Variants in KCNU1 observed in about 807,000 individuals in gnomAD.
KCNU1 encodes the protein potassium channel subfamily U member 1.
A neutral mutation model predicts 126.8 loss-of-function variants in KCNU1; 93 were observed. The ratio of observed to expected loss-of-function variants is 0.73; its 90% CI spans 0.62 to 0.87. KCNU1 has a LOEUF of 0.87. KCNU1 is among the 40% of genes least tolerant of loss of function. KCNU1 has a pLI of 0.00. For synonymous variants in KCNU1, 523 were observed against 494.2 expected (o/e 1.06, Z -0.77); for missense variants, 1,330 against 1,367.1 (o/e 0.97, Z 0.43).
intron 20 of KCNU1, among the ~76,000 whole-genome samples, chr8:36,907,927 G>A (rs1189361588): frequency 6.6e-6 from 1 of 152,040 alleles, no homozygotes; most frequent in African/African-American, 2.4e-5. Context: ...CTTTTAGTGA[G>A]TTAAGAAATA....
rs113567350 is a variant in KCNU1, at chr8:36,844,393, A to AC, written c.1704-1187_1704-1186insC. On this transcript the variant is annotated intron_variant, in intron 16 of 26. Coordinates refer to ENST00000399881, the MANE Select transcript of KCNU1 (RefSeq NM_001031836.3). ...GAAACTCCGTCTCAAAAAAAAACAAAAAAAAAAGGCTATGTAAGACACAAC... is the reference window on the plus strand; with the variant it reads ...GAAACTCCGTCTCAAAAAAAAACAAACAAAAAAAGGCTATGTAAGACACAAC... 2.4e-3 allele frequency among the ~76,000 whole-genome samples: 344 copies of AC among 141,640 alleles called. 5 individuals are homozygous for AC. Among genetic ancestry groups the AC allele is most frequent in the African/African-American group, 8.3e-3 (325 of 39,070 alleles). The allele number at this position is 141,640 out of a possible 152,430, so 92.9% of individuals were successfully genotyped here. A position where few individuals can be genotyped will look rare whatever the true frequency, so the allele number is the denominator to read the frequency against.
intron 19 of KCNU1, among the ~76,000 whole-genome samples, chr8:36,899,786 A>G (rs1398750119): frequency 6.6e-6 from 1 of 152,122 alleles, no homozygotes; most frequent in Non-Finnish European, 1.5e-5. Context: ...CACAACATGG[A>G]AGGCTTTCTA....
chr8:36,875,473 A>T (rs944562874), intron 19 of KCNU1, among the ~76,000 whole-genome samples: 1 of 150,446 alleles, frequency 6.6e-6, no homozygotes, highest in East Asian at 1.9e-4. Flanking sequence ...CACATTACAG[A>T]TATATTATAT....
intron 14 of KCNU1, among the ~76,000 whole-genome samples, chr8:36,839,230 T>G (rs898289272): frequency 2.0e-5 from 3 of 152,312 alleles, no homozygotes; most frequent in Middle Eastern, 6.8e-3. Context: ...GGCCTTAAAC[T>G]TAAATTTACA....
chr8:36,922,287 A>G (rs1175992209), intron 23 of KCNU1, among the ~76,000 whole-genome samples: 1 of 152,162 alleles, frequency 6.6e-6, no homozygotes, highest in Non-Finnish European at 1.5e-5. Flanking sequence ...TGTACCCAAT[A>G]GAACTATGTA....
chr8:36,932,772 TA>T, intron 25 of KCNU1, 147 bp from the exon 26 acceptor site: 1 of 608,260 alleles, frequency 1.6e-6, no homozygotes, highest in East Asian at 2.8e-5. Flanking sequence ...CTTAATTACC[TA>T]TCGCCCTGGC....
At chr8:36,896,704 G>C (rs1200460058) in intron 19 of KCNU1, among the ~76,000 whole-genome samples, 2 of 152,010 alleles carry the variant, frequency 1.3e-5, no homozygotes, top group Admixed American at 6.6e-5. Context: ...AGATTTCAGA[G>C]AACATGCAGT....
At chr8:36,803,018 CCGCAGGGTG>C (rs1009191710) in intron 2 of KCNU1, among the ~76,000 whole-genome samples, 1 of 152,104 alleles carries the variant, frequency 6.6e-6, no homozygotes, top group African/African-American at 2.4e-5. Flanking sequence ...GCCCAGAGAG[CCGCAGGGTG>C]TGAGCATCAT....
intron 19 of KCNU1, chr8:36,888,760 T>A (rs1166585171): frequency 1.9e-6 from 1 of 533,856 alleles, no homozygotes; most frequent in East Asian, 5.5e-5. Flanking sequence ...ATATCAAAGA[T>A]TACATGAAAT....
rs753941106 is a variant in KCNU1, at chr8:36,910,962, G to A, written c.2364G>A (p.Ala788=). The A allele has an allele frequency of 6.8e-6, 11 of 1,612,414 alleles. No homozygotes were observed. The highest frequency in any genetic ancestry group is 1.7e-4 in the Middle Eastern group (1 of 6,050). The change falls in exon 22 of 27, where the codon GCG becomes GCA. Residue 788 remains alanine, a synonymous_variant. Transcript: ENST00000399881. ...GCALYSGDLH[A]ANIEQCSMCA... The stretch of plus-strand genomic sequence containing the variant: ...CACTTTATTCTGGAGACCTCCATGC[G>A]GCCAACATAGAGCAATGCTCCATGT...
At chr8:36,822,040 T>C (rs1483669805) in intron 10 of KCNU1, among the ~76,000 whole-genome samples, 1 of 152,070 alleles carries the variant, frequency 6.6e-6, no homozygotes, top group African/African-American at 2.4e-5. Flanking sequence ...TGTATTCTGC[T>C]CCTCCTACCA....
At chr8:36,887,157 G>T (rs528990741) in intron 19 of KCNU1, among the ~76,000 whole-genome samples, 1 of 152,232 alleles carries the variant, frequency 6.6e-6, no homozygotes, top group Admixed American at 6.5e-5. Context: ...CCTTTGGGTA[G>T]ATACCCAGCA....
chr8:36,847,786 C>T (rs1805204785), intron 18 of KCNU1, among the ~76,000 whole-genome samples: 1 of 152,126 alleles, frequency 6.6e-6, no homozygotes, highest in Non-Finnish European at 1.5e-5. Flanking sequence ...CATGGAAGTG[C>T]AGATATCTTT....
intron 25 of KCNU1, among the ~76,000 whole-genome samples, chr8:36,931,644 A>G (rs1035519806): frequency 6.6e-6 from 1 of 152,102 alleles, no homozygotes; most frequent in Non-Finnish European, 1.5e-5. Flanking sequence ...CACATTGTCA[A>G]TCAGTGTCAG....
At chr8:36,927,004 T>C (rs1808555489) in intron 24 of KCNU1, among the ~76,000 whole-genome samples, 1 of 152,064 alleles carries the variant, frequency 6.6e-6, no homozygotes, top group Non-Finnish European at 1.5e-5. Flanking sequence ...AGGGCCCTCT[T>C]CCTTCCCATG....
At position 36,932,935 on chromosome 8, in the gene KCNU1, G is replaced by A. The variant is rs1463380259; in HGVS notation, c.2947G>A (p.Gly983Arg). ...LSDVNPRNTF[G>R]QLFCGSLDLF... ...CTCTCCCCAGCCAAGAAACACCTTTGGACAACTGTTCTGTGGCTCATTAGA... is the reference window on the plus strand; with the variant it reads ...CTCTCCCCAGCCAAGAAACACCTTTAGACAACTGTTCTGTGGCTCATTAGA... The change falls in exon 26 of 27, where the codon GGA becomes AGA. Residue 983 changes from glycine to arginine, a missense_variant. Around this residue, in one of 3 missense-constraint regions of KCNU1, gnomAD observed 1,054 missense variants for 1,053.9 expected, o/e 1.00. Coordinates refer to ENST00000399881, the MANE Select transcript of KCNU1 (RefSeq NM_001031836.3). 1.3e-6 allele frequency: 2 copies of A among 1,567,944 alleles called. No homozygotes were observed. The highest frequency in any genetic ancestry group is 8.7e-7 in the Non-Finnish European group (1 of 1,153,922).
rs573253209 is a variant in KCNU1, at chr8:36,831,476, T to C, written c.1107-2078T>C. ...CTAACTGCTGTGAAATGGTATCTCA[T>C]TGTGGTTTGGATTTGCATTTCTCTG... On this transcript the variant is annotated intron_variant, in intron 10 of 26. Coordinates refer to ENST00000399881, the MANE Select transcript of KCNU1 (RefSeq NM_001031836.3). 4.3e-3 allele frequency among the ~76,000 whole-genome samples: 659 copies of C among 152,324 alleles called. 7 individuals carry two copies. Among genetic ancestry groups the C allele is most frequent in the African/African-American group, 0.015 (616 of 41,566 alleles).
At chr8:36,923,135 C>T in intron 24 of KCNU1, 1 of 450,864 alleles carries the variant, frequency 2.2e-6, no homozygotes, top group Non-Finnish European at 4.5e-6. Context: ...CTTTAGTTTT[C>T]AGCACCTCTT....
chr8:36,922,359 G>T, intron 23 of KCNU1, 131 bp from the exon 24 acceptor site: 1 of 888,086 alleles, frequency 1.1e-6, no homozygotes, highest in South Asian at 1.9e-5. Flanking sequence ...AAAAGGGGTT[G>T]ATCCCACAGA....
Sources: gnomAD v4.1 joint callset for allele counts (sites outside exome capture counted in the v4.1 genomes callset) on GRCh38, gnomAD v4.1.1 for gene constraint, gnomAD v4.1.1 regional missense constraint, MANE v1.5 for transcripts, NCBI Gene and HGNC (gene_info 2026-07-23, HGNC 2026-07-21) for gene names.